TMTC2: variants seen among roughly 807,000 people sequenced by gnomAD.
TMTC2 encodes the protein transmembrane O-mannosyltransferase targeting cadherins 2.
Under a neutral mutation model 82.4 loss-of-function variants are expected in TMTC2, and 43 were observed. The observed-to-expected ratio is 0.52, with a 90% CI of 0.41 to 0.67. The LOEUF (loss-of-function observed/expected upper bound fraction) is 0.67. TMTC2 is among the 30% of genes least tolerant of loss of function. The pLI is 0.00. For synonymous variants in TMTC2, 408 were observed against 381.9 expected, an observed-to-expected ratio of 1.07 and a Z score of -0.80; for missense variants, 919 against 1,012.4, an observed-to-expected ratio of 0.91 and a Z score of 1.25.
intron 2 of TMTC2, among the ~76,000 whole-genome samples, chr12:82,875,993 G>A (rs1872468408): frequency 7.1e-6 from 1 of 139,974 alleles, no homozygotes; most frequent in Non-Finnish European, 1.5e-5. Context: ...TGTTGGTGGT[G>A]TTGGTATTGG....
intron 4 of TMTC2, among the ~76,000 whole-genome samples, chr12:82,939,310 AT>A (rs1173366404): frequency 6.6e-6 from 1 of 152,138 alleles, no homozygotes; most frequent in Non-Finnish European, 1.5e-5. Flanking sequence ...TTTTCAACTA[AT>A]TTTTAACATA....
chr12:82,800,712 ACCT>A lies in TMTC2; in HGVS notation c.84-56295_84-56293del, dbSNP rs561214043. On this transcript the variant is annotated intron_variant, in intron 1 of 11. Coordinates refer to ENST00000321196, the MANE Select transcript of TMTC2 (RefSeq NM_152588.3). ...TCATTGATGAGATAATACAAATGAC[ACCT>A]CCACACTTTTTTTGCAGAGAGTAGG... 1.9e-3 allele frequency among the ~76,000 whole-genome samples: 286 copies of A among 152,250 alleles called. 7 individuals carry two copies. Among genetic ancestry groups the A allele is most frequent in the South Asian group, 0.016 (75 of 4,818 alleles).
At chr12:82,929,262 C>T (rs1320635522) in intron 3 of TMTC2, among the ~76,000 whole-genome samples, 1 of 152,006 alleles carries the variant, frequency 6.6e-6, no homozygotes, top group African/African-American at 2.4e-5. Context: ...CCATGTTGCC[C>T]AGGCTGGTCT....
chr12:82,696,551 TAA>T lies in TMTC2; in HGVS notation c.83+8883_83+8884del, dbSNP rs1872797546. Among the ~76,000 whole-genome samples the T allele has an allele frequency of 2.0e-5, 3 of 152,216 alleles. No individual in the cohort carries two copies. In the South Asian group the frequency reaches 6.2e-4, roughly 31 times the overall value. ...AAATACCCAGTTGAAATGACCACAT[TAA>T]GATTGCTTCCTTTCACCTCTCTATT... is the stretch of plus-strand genomic sequence containing the variant. On this transcript the variant is annotated intron_variant, in intron 1 of 11. Coordinates refer to ENST00000321196, the MANE Select transcript of TMTC2 (RefSeq NM_152588.3).
chr12:82,915,812 T>C (rs1332628144), intron 3 of TMTC2, among the ~76,000 whole-genome samples: 1 of 152,230 alleles, frequency 6.6e-6, no homozygotes, highest in Non-Finnish European at 1.5e-5. Context: ...CTATTCCTGA[T>C]ACAAACTCAG....
chr12:82,759,402 T>G (rs1310547240), intron 1 of TMTC2: 1 of 152,218 alleles, frequency 6.6e-6, no homozygotes, highest in South Asian at 2.1e-4. Context: ...AAAAGAGAGA[T>G]AAGATTCTAA....
intron 3 of TMTC2, among the ~76,000 whole-genome samples, chr12:82,910,637 A>G (rs1874584738): frequency 6.6e-6 from 1 of 152,186 alleles, no homozygotes; most frequent in African/African-American, 2.4e-5. Flanking sequence ...ATTAAGAAGT[A>G]GCTCTTAGCA....
chr12:83,036,699 A>G (rs897440660), intron 9 of TMTC2, among the ~76,000 whole-genome samples: 10 of 152,086 alleles, frequency 6.6e-5, no homozygotes, highest in African/African-American at 2.4e-4. Flanking sequence ...TTTCTCTAGG[A>G]TGGTGTCCTA....
At chr12:82,912,069 C>A (rs1034443109) in intron 3 of TMTC2, among the ~76,000 whole-genome samples, 1 of 152,194 alleles carries the variant, frequency 6.6e-6, no homozygotes, top group South Asian at 2.1e-4. Flanking sequence ...TTTCAGTGAT[C>A]TTAAACAGCA....
intron 8 of TMTC2, among the ~76,000 whole-genome samples, chr12:83,000,301 A>T (rs1265721274): frequency 6.6e-6 from 1 of 151,918 alleles, no homozygotes. Flanking sequence ...TGCCTAGCAA[A>T]TTTTTTGTAT....
intron 4 of TMTC2, among the ~76,000 whole-genome samples, chr12:82,948,083 CA>C (rs1195247648): frequency 6.6e-6 from 1 of 152,168 alleles, no homozygotes; most frequent in Non-Finnish European, 1.5e-5. Flanking sequence ...AAGATTGTTA[CA>C]GGCCAAGCTC....
intron 2 of TMTC2, among the ~76,000 whole-genome samples, chr12:82,876,785 G>A (rs1451616564): frequency 6.6e-6 from 1 of 152,012 alleles, no homozygotes; most frequent in Non-Finnish European, 1.5e-5. Context: ...CTGGCTCTAT[G>A]AGGCAGTATA....
intron 1 of TMTC2, among the ~76,000 whole-genome samples, chr12:82,744,176 C>T (rs1051653601): frequency 6.6e-6 from 1 of 152,160 alleles, no homozygotes; most frequent in African/African-American, 2.4e-5. Flanking sequence ...AATCCCAGCA[C>T]TTTGGGAGGC....
At chr12:82,954,748 G>A (rs912010146) in intron 4 of TMTC2, among the ~76,000 whole-genome samples, 16 of 152,150 alleles carry the variant, frequency 1.1e-4, no homozygotes, top group African/African-American at 1.7e-4. Context: ...AACAAGAGGC[G>A]AAAGGCCACT....
chr12:82,789,557 T>C (rs574989043), intron 1 of TMTC2, among the ~76,000 whole-genome samples: 1 of 152,282 alleles, frequency 6.6e-6, no homozygotes, highest in Admixed American at 6.5e-5. Flanking sequence ...ATTTAAATTA[T>C]ATAGAAATAT....
intron 11 of TMTC2, among the ~76,000 whole-genome samples, chr12:83,069,462 T>C (rs1392631521): frequency 2.0e-5 from 3 of 152,216 alleles, no homozygotes; most frequent in Non-Finnish European, 4.4e-5. Flanking sequence ...GTTGAGCATG[T>C]TTTCATATGT....
At chr12:82,775,739 T>A (rs1365627907) in intron 1 of TMTC2, among the ~76,000 whole-genome samples, 1 of 152,106 alleles carries the variant, frequency 6.6e-6, no homozygotes, top group Non-Finnish European at 1.5e-5. Flanking sequence ...AAGCCTGTGA[T>A]ATATAATGAT....
Position 82,997,398 on chromosome 12 carries a change from G to GTATATATATATGTGTA in TMTC2, c.2070+11364_2070+11379dup, listed in dbSNP as rs771361191. On this transcript the variant is annotated intron_variant, in intron 8 of 11. Transcript: ENST00000321196. ...TATATATATGTGTATATATATATGT[G>GTATATATATATGTGTA]TATATATATATGTGTATATATATAT... Among the ~76,000 whole-genome samples, 316 of 45,254 alleles carry GTATATATATATGTGTA rather than the reference G, an allele frequency of 7.0e-3. 3 individuals are homozygous for GTATATATATATGTGTA. Among genetic ancestry groups the GTATATATATATGTGTA allele is most frequent in the African/African-American group, 0.013 (189 of 14,336 alleles). The allele number at this position is 45,254 out of a possible 152,430, so 29.7% of individuals were successfully genotyped here.
At chr12:82,890,399 C>T (rs940679412) in intron 2 of TMTC2, among the ~76,000 whole-genome samples, 2 of 152,038 alleles carry the variant, frequency 1.3e-5, no homozygotes, top group African/African-American at 4.8e-5. Flanking sequence ...GTAGTCTGGC[C>T]TTTGTGATAC....
Sources: allele counts gnomAD v4.1 joint callset (sites outside exome capture counted in the v4.1 genomes callset), GRCh38; gene constraint gnomAD v4.1.1; transcripts MANE v1.5; gene names NCBI Gene and HGNC (gene_info 2026-07-23, HGNC 2026-07-21).